Variants in CSMD3 observed in about 807,000 individuals in gnomAD.
The protein encoded by CSMD3 is CUB and sushi domain-containing protein 3.
CSMD3 carries 177 observed loss-of-function variants against 435.2 expected under a neutral mutation model. The ratio of observed to expected loss-of-function variants is 0.41; its 90% CI spans 0.36 to 0.46. CSMD3 has a LOEUF of 0.46. Among genes scored for constraint, CSMD3 ranks in the 20% least tolerant of loss-of-function variants. The pLI, the probability that CSMD3 is intolerant of heterozygous loss-of-function variation, is 0.34. For missense variants in CSMD3, 4,265 were observed against 4,504.6 expected (o/e 0.95, Z 1.52); for synonymous variants, 1,656 against 1,520.5 (o/e 1.09, Z -2.07).
intron 21 of CSMD3, 114 bp downstream of exon 21, chr8:112,638,578 TAAAA>T: frequency 1.4e-6 from 1 of 699,506 alleles, no homozygotes; most frequent in Admixed American, 2.3e-5. Flanking sequence ...TTCTTCTTTT[TAAAA>T]TTTTTCTTCT....
intron 5 of CSMD3, among the ~76,000 whole-genome samples, chr8:113,081,426 C>T (rs779698852): frequency 1.3e-5 from 2 of 152,132 alleles, no homozygotes; most frequent in Admixed American, 6.5e-5. Flanking sequence ...GGGACTCCCC[C>T]ACTGCTGGAA....
At chr8:112,544,136 AG>A (rs1307731475) in intron 27 of CSMD3, among the ~76,000 whole-genome samples, 1 of 152,204 alleles carries the variant, frequency 6.6e-6, no homozygotes, top group Admixed American at 6.5e-5. Context: ...AATAAGCTTT[AG>A]GGACCTGCTA....
At chr8:112,519,116 T>G (rs1034871491) in intron 27 of CSMD3, among the ~76,000 whole-genome samples, 1 of 151,948 alleles carries the variant, frequency 6.6e-6, no homozygotes, top group Non-Finnish European at 1.5e-5. Flanking sequence ...GAGATGAGAT[T>G]TGGGTGGTGA....
intron 28 of CSMD3, among the ~76,000 whole-genome samples, chr8:112,508,541 G>T (rs7835439): frequency 0.31 from 47,087 of 151,908 alleles, 7,462 homozygotes; most frequent in East Asian, 0.47. Flanking sequence ...GGATATTTCC[G>T]GAGAATAGGT....
At chr8:112,382,192 A>G (rs1829522151) in intron 37 of CSMD3, among the ~76,000 whole-genome samples, 1 of 150,968 alleles carries the variant, frequency 6.6e-6, no homozygotes, top group African/African-American at 2.4e-5. Flanking sequence ...GCTGAAACAG[A>G]TGGATTACTT....
intron 38 of CSMD3, among the ~76,000 whole-genome samples, chr8:112,367,028 A>G (rs148161398): frequency 6.6e-6 from 1 of 152,066 alleles, no homozygotes; most frequent in East Asian, 1.9e-4. Flanking sequence ...TAGTCCCTTC[A>G]TATTTATTAC....
At chr8:112,962,286 C>T (rs1199771729) in intron 7 of CSMD3, among the ~76,000 whole-genome samples, 1 of 151,338 alleles carries the variant, frequency 6.6e-6, no homozygotes, top group African/African-American at 2.4e-5. Context: ...TAAATTGTAA[C>T]ATGAAAAATG....
At chr8:112,920,157 T>C (rs965063641) in intron 10 of CSMD3, among the ~76,000 whole-genome samples, 7 of 151,938 alleles carry the variant, frequency 4.6e-5, no homozygotes, top group South Asian at 2.1e-4. Context: ...AGGAGGCTTA[T>C]TTAATTTATG....
intron 8 of CSMD3, among the ~76,000 whole-genome samples, chr8:112,952,152 C>CT (rs1213877499): frequency 6.7e-6 from 1 of 149,098 alleles, no homozygotes; most frequent in African/African-American, 2.5e-5. Context: ...GGTATAAAAG[C>CT]TGAAAAAAAA....
chr8:112,302,773 T>C (rs1821059552), intron 52 of CSMD3, among the ~76,000 whole-genome samples: 1 of 151,850 alleles, frequency 6.6e-6, no homozygotes, highest in African/African-American at 2.4e-5. Context: ...AAGAGTTGCA[T>C]ATCAAATTTA....
intron 10 of CSMD3, among the ~76,000 whole-genome samples, chr8:112,865,445 AATT>A (rs1258033206): frequency 6.6e-6 from 1 of 152,090 alleles, no homozygotes; most frequent in Non-Finnish European, 1.5e-5. Context: ...TTTTAAAATA[AATT>A]GAAGGACTTT....
At chr8:112,979,807 G>A (rs1353671847) in intron 6 of CSMD3, among the ~76,000 whole-genome samples, 4 of 151,070 alleles carry the variant, frequency 2.6e-5, no homozygotes, top group Non-Finnish European at 5.9e-5. Context: ...AGATTATCCT[G>A]TCATTAAGTT....
chr8:112,431,362 G>A (rs895427909), intron 32 of CSMD3, among the ~76,000 whole-genome samples: 1 of 151,926 alleles, frequency 6.6e-6, no homozygotes, highest in Non-Finnish European at 1.5e-5. Flanking sequence ...AAGCTGACTG[G>A]CAATATAAAA....
chr8:112,661,767 T>C (rs2075385895), intron 17 of CSMD3, among the ~76,000 whole-genome samples: 1 of 152,028 alleles, frequency 6.6e-6, no homozygotes, highest in African/African-American at 2.4e-5. Context: ...TTCAGTCAGC[T>C]AGAAGGTGGG....
At chr8:112,920,989 GCGCGCGCGCACACACACA>G (rs1335239087) in intron 10 of CSMD3, among the ~76,000 whole-genome samples, 5 of 57,856 alleles carry the variant, frequency 8.6e-5, no homozygotes, top group Admixed American at 2.0e-4. Flanking sequence ...ACACACATAC[GCGCGCGCGCACACACACA>G]CACACACACA....
chr8:112,943,387 C>CTTTA (rs2083511135), intron 9 of CSMD3, among the ~76,000 whole-genome samples: 1 of 151,332 alleles, frequency 6.6e-6, no homozygotes, highest in Non-Finnish European at 1.5e-5. Flanking sequence ...TATGAAATAA[C>CTTTA]TGAACTTTCA....
chr8:112,293,444 T>C lies in CSMD3; in HGVS notation c.8615-734A>G, dbSNP rs535188544. Among the ~76,000 whole-genome samples, 311 of 152,240 alleles carry C rather than the reference T, an allele frequency of 2.0e-3. 1 individual carries two copies. Among genetic ancestry groups the C allele is most frequent in the African/African-American group, 6.9e-3 (288 of 41,562 alleles). ...ACAACCAATTTTTATGAATAATAGA[T>C]TGATAAGCAAATGTGTGCTTGTGAA... On this transcript the variant is annotated intron_variant, in intron 54 of 70. Transcript: ENST00000297405.
At position 113,159,260 on chromosome 8, in the gene CSMD3, TTATA is replaced by T. The variant is rs561156033; in HGVS notation, c.709+14458_709+14461del. ...TATGTAAGATATGTAGAATATATAA[TTATA>T]TATATTTTTGTGATACATACTTTAA... On this transcript the variant is annotated intron_variant, in intron 4 of 70. Coordinates refer to ENST00000297405, the MANE Select transcript of CSMD3 (RefSeq NM_198123.2). 2.3e-3 allele frequency among the ~76,000 whole-genome samples: 356 copies of T among 151,918 alleles called. 2 individuals carry two copies. The highest frequency in any genetic ancestry group is 8.1e-3 in the African/African-American group (338 of 41,516).
intron 32 of CSMD3, among the ~76,000 whole-genome samples, chr8:112,427,214 C>T (rs1220571393): frequency 1.3e-5 from 2 of 152,092 alleles, no homozygotes; most frequent in African/African-American, 2.4e-5. Flanking sequence ...TCTTTGTCTC[C>T]CAAGTCTTTC....
Sources: gnomAD v4.1 joint callset for allele counts (sites outside exome capture counted in the v4.1 genomes callset) on GRCh38, gnomAD v4.1.1 for gene constraint, MANE v1.5 for transcripts, NCBI Gene and HGNC (gene_info 2026-07-23, HGNC 2026-07-21) for gene names.